NF2: variants seen among roughly 807,000 people sequenced by gnomAD.
The protein encoded by NF2 is merlin.
In NF2, 8 loss-of-function variants were observed where a neutral mutation model predicts 83.7. The ratio of observed to expected loss-of-function variants is 0.10; its 90% CI spans 0.06 to 0.17. The LOEUF (loss-of-function observed/expected upper bound fraction) is 0.17. NF2 is among the 10% of genes least tolerant of loss of function. NF2 has a pLI of 1.00. For synonymous variants in NF2, 266 were observed against 269.6 expected, an observed-to-expected ratio of 0.99 and a Z score of 0.13; for missense variants, 533 against 744.4, an observed-to-expected ratio of 0.72 and a Z score of 3.31.
intron 1 of NF2, among the ~76,000 whole-genome samples, chr22:29,615,607 C>T (rs537147302): frequency 1.3e-5 from 2 of 152,120 alleles, no homozygotes; most frequent in African/African-American, 4.8e-5. Context: ...TGGTAGCGTT[C>T]CTCTGTAGTC....
intron 10 of NF2, among the ~76,000 whole-genome samples, chr22:29,670,666 C>A (rs1292079707): frequency 6.6e-6 from 1 of 152,168 alleles, no homozygotes; most frequent in African/African-American, 2.4e-5. Flanking sequence ...GTGCAGTGGT[C>A]ACTTCTGGGT....
At chr22:29,683,658 A>ATCCCC (rs2067205748) in intron 15 of NF2, 1 of 1,080,766 alleles carries the variant, frequency 9.3e-7, no homozygotes, top group African/African-American at 1.6e-5. Context: ...GTCCACGGGG[A>ATCCCC]GTGGACTGTC....
intron 4 of NF2, among the ~76,000 whole-genome samples, chr22:29,651,346 C>T (rs957983712): frequency 2.6e-5 from 4 of 152,136 alleles, no homozygotes; most frequent in Admixed American, 6.5e-5. Flanking sequence ...GTTTATGTCA[C>T]GAGTAGGTCC....
At chr22:29,619,381 G>T (rs995310569) in intron 1 of NF2, among the ~76,000 whole-genome samples, 1 of 144,448 alleles carries the variant, frequency 6.9e-6, no homozygotes, top group African/African-American at 2.5e-5. Context: ...TCTCCCATGG[G>T]TTTTTTTTGT....
At position 29,668,348 on chromosome 22, in the gene NF2, A is replaced by G. The variant is rs752879150; in HGVS notation, c.901A>G (p.Ile301Val). The change falls in exon 10 of 16, where the codon ATC becomes GTC. Residue 301 changes from isoleucine (I) to valine (V), a missense_variant. Physicochemically the swap from Ile to Val is conservative, Grantham distance 29. This residue lies in a region of NF2 where 326 missense variants were observed against 475.1 expected (regional missense o/e 0.69). Transcript: ENST00000338641. Reference sequence around the variant, plus strand: ...GTGGCCACAGATTCTCCAGCTATGTATCGGGAACCATGATCTATTTATGAG... The same window carrying G: ...GTGGCCACAGATTCTCCAGCTATGTGTCGGGAACCATGATCTATTTATGAG... The part of the protein sequence containing the change: ...RVNKLILQLC[I>V]GNHDLFMRRR... 1 of 1,613,610 alleles carries G rather than the reference A, an allele frequency of 6.2e-7. No homozygotes were observed.
chr22:29,678,849 A>G (rs139677468), intron 14 of NF2, among the ~76,000 whole-genome samples: 202 of 152,324 alleles, frequency 1.3e-3, no homozygotes, highest in Non-Finnish European at 2.2e-3. Context: ...TGATCATGGC[A>G]GCAATTGCTG....
chr22:29,624,704 CA>C (rs1346533525), intron 1 of NF2, among the ~76,000 whole-genome samples: 12 of 152,288 alleles, frequency 7.9e-5, no homozygotes, highest in Admixed American at 7.2e-4. Flanking sequence ...GAACCTTATT[CA>C]GATTGTCCAT....
At chr22:29,668,603 G>A (rs1177854883) in intron 10 of NF2, among the ~76,000 whole-genome samples, 157 bp downstream of exon 10, 1 of 152,194 alleles carries the variant, frequency 6.6e-6, no homozygotes, top group African/African-American at 2.4e-5. Flanking sequence ...TGCCTACCTG[G>A]TGGGATGTCA....
chr22:29,655,717 T>A, intron 6 of NF2, 41 bp downstream of exon 6: 1 of 146,028 alleles, frequency 6.8e-6, no homozygotes, highest in Non-Finnish European at 1.4e-5. Context: ...CTTTATGGGC[T>A]TTTTTTTTTT....
chr22:29,645,337 T>G lies in NF2; in HGVS notation c.447+3052T>G, dbSNP rs561869596. Among the ~76,000 whole-genome samples the G allele has an allele frequency of 3.9e-5, 6 of 152,248 alleles. No homozygotes were observed. The East Asian group carries it at 1.2e-3, about 29-fold the overall frequency. ...GCCCTCAGTGATTTGCCCAAGATCA[T>G]TCAGACAATCTTGGGCAAAGCTAAG... On this transcript the variant is annotated intron_variant, in intron 4 of 15. Transcript: ENST00000338641.
intron 1 of NF2, among the ~76,000 whole-genome samples, chr22:29,631,336 C>T (rs780131746): frequency 2.0e-5 from 3 of 152,178 alleles, no homozygotes; most frequent in Non-Finnish European, 2.9e-5. Flanking sequence ...ACAGCTCAAA[C>T]AGCATCTCTC....
At chr22:29,676,376 A>C (rs1244310086) in intron 13 of NF2, among the ~76,000 whole-genome samples, 2 of 151,758 alleles carry the variant, frequency 1.3e-5, no homozygotes, top group Non-Finnish European at 2.9e-5. Context: ...GGGTTTTGCC[A>C]TGTTGCCACA....
chr22:29,603,830 T>G lies in NF2; in HGVS notation c.-169T>G. On this transcript the variant is annotated 5_prime_UTR_variant, in exon 1 of 16. Coordinates refer to ENST00000338641, the MANE Select transcript of NF2 (RefSeq NM_000268.4). ...AACTCCCCTTTCCGCTCAGGCAGGG[T>G]CCTCGCGGCCCATGCTGGCCGCTGG... The G allele has an allele frequency of 1.7e-6, 1 of 591,844 alleles. No homozygotes were observed. Among genetic ancestry groups the G allele is most frequent in the South Asian group, 2.0e-5 (1 of 49,152 alleles). 36.7% of individuals were successfully genotyped at this position (591,844 alleles called of 1,614,324 possible).
intron 10 of NF2, among the ~76,000 whole-genome samples, chr22:29,670,074 C>G (rs1042894430): frequency 2.0e-5 from 3 of 152,046 alleles, no homozygotes; most frequent in Admixed American, 6.6e-5. Context: ...TCATAGCTCA[C>G]TGTAACCTCA....
At position 29,636,675 on chromosome 22, in the gene NF2, A is replaced by T. The variant is rs1228438399; in HGVS notation, c.115-76A>T. 3 of 1,596,296 alleles carry T rather than the reference A, an allele frequency of 1.9e-6. No individual in the cohort carries two copies. In the African/African-American group the frequency reaches 4.0e-5, roughly 21 times the overall value. The stretch of plus-strand genomic sequence containing the variant: ...TCATCCCCACGTTTTGGAACCTGAG[A>T]GTGGAGAGTGCAGAGAAAAGGTTTT... On this transcript the variant is annotated intron_variant, in intron 1 of 15. Coordinates refer to ENST00000338641, the MANE Select transcript of NF2 (RefSeq NM_000268.4). This position sits in a 1 kb window ranked among gnomAD's most constrained non-coding sequence, Gnocchi z 4.4.
At chr22:29,676,897 T>C (rs2066979489) in intron 13 of NF2, among the ~76,000 whole-genome samples, 1 of 127,230 alleles carries the variant, frequency 7.9e-6, no homozygotes, top group Non-Finnish European at 1.9e-5. Context: ...AGTGCCCAAA[T>C]TACAACTGTA....
intron 1 of NF2, among the ~76,000 whole-genome samples, chr22:29,624,817 CT>C: frequency 7.8e-6 from 1 of 127,956 alleles, no homozygotes; most frequent in South Asian, 2.5e-4. Context: ...TTCTTTCTTT[CT>C]TTCTTTCTTT....
chr22:29,650,982 C>G (rs2066132614), intron 4 of NF2, among the ~76,000 whole-genome samples: 1 of 152,192 alleles, frequency 6.6e-6, no homozygotes, highest in South Asian at 2.1e-4. Context: ...ACGTATAGGA[C>G]TGGTCAATCT....
At chr22:29,612,917 G>GA (rs2146713136) in intron 1 of NF2, among the ~76,000 whole-genome samples, 1 of 151,884 alleles carries the variant, frequency 6.6e-6, no homozygotes, top group East Asian at 2.0e-4. Context: ...CCAACATGGA[G>GA]AAACCCTGTC....
Sources: gnomAD v4.1 joint callset for allele counts (sites outside exome capture counted in the v4.1 genomes callset) on GRCh38, gnomAD v4.1.1 for gene constraint, gnomAD v4.1.1 regional missense constraint, Gnocchi (gnomAD v3.1) non-coding constraint, MANE v1.5 for transcripts, NCBI Gene and HGNC (gene_info 2026-07-23, HGNC 2026-07-21) for gene names.